Variants in GCLC observed in about 807,000 individuals in gnomAD.
GCLC encodes the protein glutamate--cysteine ligase catalytic subunit.
In GCLC, 30 loss-of-function variants were observed where a neutral mutation model predicts 81.5. The observed-to-expected ratio is 0.37, with a 90% CI of 0.28 to 0.50. The LOEUF is 0.50. GCLC is among the 20% of genes least tolerant of loss of function. The probability of loss-of-function intolerance (pLI) is 0.96; values close to 1 mark genes in which losing one functional copy is unlikely to be tolerated. For synonymous variants in GCLC, 262 were observed against 273.3 expected, an observed-to-expected ratio of 0.96 and a Z score of 0.41; for missense variants, 556 against 777.4, an observed-to-expected ratio of 0.72 and a Z score of 3.39.
At chr6:53,505,038 C>T (rs1014149074) in intron 12 of GCLC, among the ~76,000 whole-genome samples, 6 of 152,130 alleles carry the variant, frequency 3.9e-5, no homozygotes, top group Non-Finnish European at 8.8e-5. Context: ...TCAATCCCAT[C>T]CGAATTCTTC....
intron 1 of GCLC, among the ~76,000 whole-genome samples, chr6:53,541,795 T>C (rs1224977788): frequency 2.0e-5 from 3 of 152,196 alleles, no homozygotes; most frequent in Admixed American, 1.3e-4. Flanking sequence ...TGTGAAGGTA[T>C]AGTCTTAACA....
At chr6:53,524,525 C>T (rs12524652) in intron 1 of GCLC, among the ~76,000 whole-genome samples, 2,188 of 152,260 alleles carry the variant, frequency 0.014, 25 homozygotes, top group Middle Eastern at 0.085. Context: ...AACAGATGAA[C>T]TGGCCCATCC....
chr6:53,540,357 G>T (rs1489420651), intron 1 of GCLC, among the ~76,000 whole-genome samples: 1 of 150,266 alleles, frequency 6.7e-6, no homozygotes, highest in Non-Finnish European at 1.5e-5. Context: ...CCTACAGTAT[G>T]GGACAATTTA....
At chr6:53,500,384 G>A (rs562808278) in intron 13 of GCLC, 34 bp from the exon 14 acceptor site, 2 of 1,605,544 alleles carry the variant, frequency 1.2e-6, no homozygotes, top group Admixed American at 1.7e-5. Context: ...AGCTTTAGCA[G>A]CTTGTTGCAG....
intron 6 of GCLC, among the ~76,000 whole-genome samples, chr6:53,511,794 G>A (rs762000449): frequency 6.6e-6 from 1 of 150,548 alleles, no homozygotes; most frequent in Non-Finnish European, 1.5e-5. Context: ...AAACTGATGG[G>A]GGTGGGGTTG....
chr6:53,540,681 A>ACACACG (rs1176203990), intron 1 of GCLC, among the ~76,000 whole-genome samples: 9 of 149,716 alleles, frequency 6.0e-5, no homozygotes, highest in African/African-American at 2.3e-4. Context: ...ACACACACAC[A>ACACACG]CACACACACA....
At chr6:53,509,640 T>C in intron 6 of GCLC, 2 of 257,034 alleles carry the variant, frequency 7.8e-6, no homozygotes, top group Non-Finnish European at 1.5e-5. Context: ...AACTATTGTT[T>C]TCTTTCTTTC....
intron 1 of GCLC, among the ~76,000 whole-genome samples, chr6:53,542,917 GA>G (rs1312417295): frequency 6.6e-6 from 1 of 152,088 alleles, no homozygotes; most frequent in African/African-American, 2.4e-5. Flanking sequence ...GCTGAGGCAG[GA>G]GAATTGCTTG....
intron 4 of GCLC, among the ~76,000 whole-genome samples, chr6:53,515,827 A>G (rs1764860353): frequency 6.6e-6 from 1 of 152,206 alleles, no homozygotes; most frequent in Non-Finnish European, 1.5e-5. Context: ...AGGACTGAAA[A>G]TAATCTCCCT....
At chr6:53,535,863 G>A (rs1423705105) in intron 1 of GCLC, among the ~76,000 whole-genome samples, 1 of 152,188 alleles carries the variant, frequency 6.6e-6, no homozygotes, top group African/African-American at 2.4e-5. Context: ...CTCTGCTAGT[G>A]AGAATGCAAA....
chr6:53,500,188 T>C (rs770708736), intron 14 of GCLC, 23 bp from the exon 15 acceptor site: 3 of 1,613,932 alleles, frequency 1.9e-6, no homozygotes, highest in African/African-American at 2.7e-5. Flanking sequence ...GGACACTTTA[T>C]GAACTCCCTG....
intron 1 of GCLC, among the ~76,000 whole-genome samples, chr6:53,536,006 A>C (rs1015699489): frequency 1.3e-5 from 2 of 152,198 alleles, no homozygotes; most frequent in Non-Finnish European, 1.5e-5. Context: ...TGTTCATATA[A>C]TTTTTTTATA....
chr6:53,524,273 T>C (rs1213841143), intron 1 of GCLC, among the ~76,000 whole-genome samples: 2 of 152,196 alleles, frequency 1.3e-5, no homozygotes, highest in Admixed American at 1.3e-4. Flanking sequence ...AGGCAGAGAT[T>C]TGAAGCCAGC....
chr6:53,509,618 T>C (rs1764694871), intron 6 of GCLC: 2 of 314,698 alleles, frequency 6.4e-6, no homozygotes, highest in Admixed American at 4.7e-5. Flanking sequence ...GCAAAAGGGA[T>C]TTGGACATGT....
chr6:53,520,758 AT>A lies in GCLC; in HGVS notation c.446+19del, dbSNP rs1163238203. 1.9e-6 allele frequency: 3 copies of A among 1,601,928 alleles called. No homozygotes were observed. Among genetic ancestry groups the A allele is most frequent in the Non-Finnish European group, 2.6e-6 (3 of 1,168,952 alleles). ...GTATCTCTGAGAGATCTGCTGGGGC[AT>A]GTTAATATAGGAACTAACCTGGGAA... On this transcript the variant is annotated intron_variant, in intron 3 of 15. Transcript: ENST00000650454.
rs117722118 is a variant in GCLC, at chr6:53,507,192, G to A, written c.1085-167C>T. ...CACCTCACCCAGTATTTTATCCTGC[G>A]GACACTGCGGGAGTGTCAGCGTTTT... On this transcript the variant is annotated intron_variant, in intron 9 of 15. Coordinates refer to ENST00000650454, the MANE Select transcript of GCLC (RefSeq NM_001498.4). 8.5e-5 allele frequency: 59 copies of A among 695,324 alleles called. No individual in the cohort carries two copies. In the East Asian group the frequency reaches 1.1e-3, roughly 13 times the overall value. 43.1% of individuals were successfully genotyped at this position (695,324 alleles called of 1,614,324 possible). A position where few individuals can be genotyped will look rare whatever the true frequency, so the allele number is the denominator to read the frequency against.
At chr6:53,530,565 T>C (rs2268329) in intron 1 of GCLC, among the ~76,000 whole-genome samples, 14,603 of 152,212 alleles carry the variant, frequency 0.096, 1,314 homozygotes, top group Admixed American at 0.29. Flanking sequence ...CTGATTTTCA[T>C]AGAAAGGGCT....
intron 1 of GCLC, 46 bp downstream of exon 1, chr6:53,544,450 G>A (rs774206496): frequency 1.3e-6 from 2 of 1,590,524 alleles, no homozygotes; most frequent in South Asian, 1.1e-5. Context: ...CAGCGCGGGC[G>A]GCCAGACACG....
chr6:53,527,440 G>A (rs1763102022), intron 1 of GCLC, among the ~76,000 whole-genome samples: 2 of 152,212 alleles, frequency 1.3e-5, no homozygotes, highest in Admixed American at 1.3e-4. Context: ...AGTTAGAGTT[G>A]ATGACTACTC....
Sources: allele counts gnomAD v4.1 joint callset (sites outside exome capture counted in the v4.1 genomes callset), GRCh38; gene constraint gnomAD v4.1.1; transcripts MANE v1.5; gene names NCBI Gene and HGNC (gene_info 2026-07-23, HGNC 2026-07-21).